Variants in TTN observed in about 807,000 individuals in gnomAD.
TTN encodes the protein connectin.
Under a neutral mutation model 3,223.0 loss-of-function variants are expected in TTN, and 1,525 were observed. That is an observed-to-expected ratio of 0.47 (90% CI 0.45 to 0.49). TTN has a LOEUF of 0.49. Among genes scored for constraint, TTN ranks in the 20% least tolerant of loss-of-function variants. TTN has a pLI of 0.00. For missense variants in TTN, 40,786 were observed against 43,424.0 expected (o/e 0.94, Z 5.40); for synonymous variants, 14,094 against 15,161.0 (o/e 0.93, Z 5.17).
chr2:178,626,788 C>A (rs917956087), intron 240 of TTN, among the ~76,000 whole-genome samples: 1 of 151,770 alleles, frequency 6.6e-6, no homozygotes, highest in Non-Finnish European at 1.5e-5. Flanking sequence ...TGGCATGCAA[C>A]TTTTGGCTAT....
rs886043463 is a variant in TTN, at chr2:178,582,195, G to A, written c.66174C>T (p.Arg22058=). ...TGTTGCTAATAACAGGAGGATCACA[G>A]CGTCCTGGTGGGTCTGCAGAAATTG... The part of the protein sequence containing the change: ...IAKNPYDPPG[R]CDPPVISNIT... Residue 22058 remains arginine, a synonymous_variant, in exon 315 of 363, where the codon CGC becomes CGT. Transcript: ENST00000589042. The A allele has an allele frequency of 6.8e-6, 11 of 1,607,784 alleles. No homozygotes were observed. Among genetic ancestry groups the A allele is most frequent in the Non-Finnish European group, 9.3e-6 (11 of 1,178,236 alleles).
In TTN at chr2:178,711,941, C is replaced by T. The variant is rs750753011; in HGVS notation, c.27886+3G>A. On this transcript the variant is annotated splice_donor_region_variant and intron_variant, in intron 96 of 362. Transcript: ENST00000589042. ...TCGTTCACTTTAAAAATATTGCAAT[C>T]ACCTTGAACGGTAAGGAAAGTTGAT... 83 of 1,561,076 alleles carry T rather than the reference C, an allele frequency of 5.3e-5. 1 individual carries two copies. The South Asian group carries it at 1.0e-3, about 19-fold the overall frequency.
chr2:178,705,726 C>T (rs778723117), intron 102 of TTN, among the ~76,000 whole-genome samples: 26 of 151,910 alleles, frequency 1.7e-4, no homozygotes, highest in South Asian at 4.1e-4. Context: ...ATACATATCA[C>T]GGAAACGATG....
chr2:178,533,397 C>A lies in TTN; in HGVS notation c.103218G>T (p.Gly34406=), dbSNP rs1301007046. The A allele has an allele frequency of 1.2e-6, 2 of 1,613,682 alleles. No individual in the cohort carries two copies. The highest frequency in any genetic ancestry group is 1.7e-6 in the Non-Finnish European group (2 of 1,179,854). The change falls in exon 358 of 363, where the codon GGG becomes GGT. Residue 34406 remains glycine (G), a synonymous_variant. Coordinates refer to ENST00000589042, the MANE Select transcript of TTN (RefSeq NM_001267550.2). ...CTTCATGGATAATTTCAATGTTAGG[C>A]CCGAGGGACAGTGGCTGACCATCTT... The part of the protein sequence containing the change: ...WEKDGQPLSL[G]PNIEIIHEGL...
intron 273 of TTN, 38 bp from the exon 274 acceptor site, chr2:178,608,946 G>A (rs746429712): frequency 6.3e-7 from 1 of 1,585,846 alleles, no homozygotes; most frequent in Non-Finnish European, 8.5e-7. Context: ...AAAAATTTGT[G>A]TGGGAAGGGT....
intron 151 of TTN, 124 bp from the exon 152 acceptor site, chr2:178,673,834 G>A: frequency 1.5e-6 from 1 of 689,236 alleles, no homozygotes; most frequent in Non-Finnish European, 2.4e-6. Context: ...CAACCTAAAT[G>A]GTAATAATAA....
chr2:178,716,489 G>C (rs2077500604), intron 88 of TTN, among the ~76,000 whole-genome samples: 1 of 152,146 alleles, frequency 6.6e-6, no homozygotes, highest in Non-Finnish European at 1.5e-5. Context: ...TAATGGACTA[G>C]ACTAGCAGTC....
In TTN at chr2:178,536,467, T is replaced by A. The variant is rs755215899; in HGVS notation, c.100280A>T (p.Tyr33427Phe). Residue 33427 changes from tyrosine (Y) to phenylalanine (F), a missense_variant, in exon 357 of 363, where the codon TAC becomes TTC. Coordinates refer to ENST00000589042, the MANE Select transcript of TTN (RefSeq NM_001267550.2). ...CTTCTTCTCACGCTTCTCAAGGTAG[T>A]AATTTCTAATCTTTGCACCTCCATC... ...ASDGGAKIRNYYLEKREKKQN... is the reference protein window; with the variant it reads ...ASDGGAKIRNFYLEKREKKQN... 2.9e-5 allele frequency: 46 copies of A among 1,600,792 alleles called. No homozygotes were observed. Among genetic ancestry groups the A allele is most frequent in the Non-Finnish European group, 3.6e-5 (42 of 1,172,936 alleles).
chr2:178,708,343 C>G (rs2076173675), intron 99 of TTN, among the ~76,000 whole-genome samples: 1 of 152,162 alleles, frequency 6.6e-6, no homozygotes, highest in Admixed American at 6.6e-5. Flanking sequence ...CATTTAAAAT[C>G]CAATCTTAGC....
chr2:178,729,620 T>G (rs773373631), intron 63 of TTN, 44 bp downstream of exon 63: 4 of 1,613,092 alleles, frequency 2.5e-6, no homozygotes, highest in African/African-American at 1.3e-5. Flanking sequence ...CCCAAACTTA[T>G]CAGGCAGCAC....
chr2:178,637,152 T>C (rs1453889129), intron 224 of TTN, among the ~76,000 whole-genome samples: 1 of 75,132 alleles, frequency 1.3e-5, no homozygotes, highest in Non-Finnish European at 2.7e-5. Flanking sequence ...GTTGGATATA[T>C]ATATATATAT....
chr2:178,684,943 A>G lies in TTN; in HGVS notation c.32517T>C (p.Ala10839=). 1 of 1,609,474 alleles carries G rather than the reference A, an allele frequency of 6.2e-7. No individual in the cohort carries two copies. Among genetic ancestry groups the G allele is most frequent in the Non-Finnish European group, 8.5e-7 (1 of 1,177,642 alleles). Residue 10839 remains alanine, a synonymous_variant, in exon 130 of 363, where the codon GCT becomes GCC. Coordinates refer to ENST00000589042, the MANE Select transcript of TTN (RefSeq NM_001267550.2). ...KKIVPEKKVP[A]PVPKKEKVPP... is the part of the protein sequence containing the mutation. ...GCACCTTTTCCTTTTTAGGAACTGG[A>G]GCAGGAACTTTCTTTTCTGGCACAA...
chr2:178,719,421 T>C lies in TTN; in HGVS notation c.23969A>G (p.Lys7990Arg). 2.5e-6 allele frequency: 4 copies of C among 1,613,016 alleles called. No individual in the cohort carries two copies. Among genetic ancestry groups the C allele is most frequent in the Non-Finnish European group, 1.7e-6 (2 of 1,179,184 alleles). ...CAGGATGGCATTCACGTCTTTCAGC[T>C]TGCGGATGAAGGAAGGAGGCACAAT... ...DRIVPPSFIR[K>R]LKDVNAILGA... Residue 7990 changes from lysine to arginine, a missense_variant, in exon 83 of 363, where the codon AAG becomes AGG. By Grantham distance (26) the Lys-to-Arg change is conservative. Transcript: ENST00000589042.
Position 178,534,935 on chromosome 2 carries a change from A to T in TTN, c.101680T>A (p.Phe33894Ile). 2 of 1,612,020 alleles carry T rather than the reference A, an allele frequency of 1.2e-6. No individual in the cohort carries two copies. Among genetic ancestry groups the T allele is most frequent in the Non-Finnish European group, 1.7e-6 (2 of 1,179,752 alleles). Residue 33894 changes from phenylalanine (F) to isoleucine (I), a missense_variant, in exon 358 of 363, where the codon TTT becomes ATT. Transcript: ENST00000589042. ...SMEELVMIFEFISGLDIFERI... is the reference protein window; with the variant it reads ...SMEELVMIFEIISGLDIFERI... ...TCAAATATGTCAAGTCCTGATATAA[A>T]CTCAAAGATCATAACTAATTCTTCC...
Position 178,575,950 on chromosome 2 carries a change from C to T in TTN, c.70182G>A (p.Thr23394=), listed in dbSNP as rs376989129. ...GGATAATCAGAAGAGTAAATGATTC[C>T]GTATTTTCAATGTTGGCTCGGTTTT... is the stretch of plus-strand genomic sequence containing the variant. The part of the protein sequence containing the change: ...NLKNRANIEN[T]ESFTLLIIPE... Residue 23394 remains threonine (T), a synonymous_variant, in exon 326 of 363, where the codon ACG becomes ACA. Coordinates refer to ENST00000589042, the MANE Select transcript of TTN (RefSeq NM_001267550.2). This position sits in a 1 kb window ranked among gnomAD's most constrained non-coding sequence, Gnocchi z 4.0. 13 of 1,611,664 alleles carry T rather than the reference C, an allele frequency of 8.1e-6. No individual in the cohort carries two copies. Among genetic ancestry groups the T allele is most frequent in the South Asian group, 3.3e-5 (3 of 90,994 alleles).
Position 178,685,341 on chromosome 2 carries a change from T to C in TTN, c.32393-11A>G. ...CCTGCCTCTCTGTCACTTGAAAAGA[T>C]TATAAAATATGTTTGTAGAAATGTC... On this transcript the variant is annotated splice_polypyrimidine_tract_variant and intron_variant, in intron 128 of 362. Transcript: ENST00000589042. 6.5e-7 allele frequency: 1 copy of C among 1,544,564 alleles called. No homozygotes were observed. The highest frequency in any genetic ancestry group is 8.7e-7 in the Non-Finnish European group (1 of 1,143,436).
rs772839417 is a variant in TTN at position 178,684,403 on chromosome 2, C to T, written c.32649G>A (p.Arg10883=). 3 of 1,613,410 alleles carry T rather than the reference C, an allele frequency of 1.9e-6. No individual in the cohort carries two copies. The highest frequency in any genetic ancestry group is 2.2e-5 in the East Asian group (1 of 44,868). ...TTTCTTCCTGGGTAATTTGCATGTGCCTCTCAGTCACTTAAAAGATAATTT... is the reference window on the plus strand; with the variant it reads ...TTTCTTCCTGGGTAATTTGCATGTGTCTCTCAGTCACTTAAAAGATAATTT... ...EEPLPAKVTE[R]HMQITQEEKV... Residue 10883 remains arginine, a synonymous_variant, in exon 132 of 363, where the codon AGG becomes AGA. Transcript: ENST00000589042.
chr2:178,599,906 G>T, intron 288 of TTN, 56 bp from the exon 289 acceptor site: 1 of 1,474,118 alleles, frequency 6.8e-7, no homozygotes, highest in Admixed American at 2.4e-5. Flanking sequence ...GGGATAGAAA[G>T]TAGAATTCAC....
rs1288547551 is a variant in TTN at position 178,633,987 on chromosome 2, T to C, written c.42512A>G (p.His14171Arg). ...FVCELSHEKM[H>R]VVWFKNDAKL... ...GGCATCATTTTTGAACCAGACTACA[T>C]GCATTTTTTCATGAGAAAGTTCACA... Residue 14171 changes from histidine (H) to arginine (R), a missense_variant, in exon 231 of 363, where the codon CAT (histidine) becomes CGT (arginine). Physicochemically the swap from His to Arg is conservative, Grantham distance 29. Coordinates refer to ENST00000589042, the MANE Select transcript of TTN (RefSeq NM_001267550.2). 8 of 1,613,270 alleles carry C rather than the reference T, an allele frequency of 5.0e-6. No homozygotes were observed. The highest frequency in any genetic ancestry group is 6.8e-6 in the Non-Finnish European group (8 of 1,179,532).
Sources: gnomAD v4.1 joint callset for allele counts (sites outside exome capture counted in the v4.1 genomes callset) on GRCh38, gnomAD v4.1.1 for gene constraint, Gnocchi (gnomAD v3.1) non-coding constraint, MANE v1.5 for transcripts, NCBI Gene and HGNC (gene_info 2026-07-23, HGNC 2026-07-21) for gene names.